CDH12: variants seen among roughly 807,000 people sequenced by gnomAD.
CDH12 encodes the protein cadherin-12.
CDH12 carries 41 observed loss-of-function variants against 74.1 expected under a neutral mutation model. That is an observed-to-expected ratio of 0.55 (90% CI 0.43 to 0.72). The LOEUF is 0.72. CDH12 is among the 30% of genes least tolerant of loss of function. CDH12 has a pLI of 0.00. For missense variants in CDH12, 945 were observed against 977.2 expected (o/e 0.97, Z 0.44); for synonymous variants, 399 against 355.0 (o/e 1.12, Z -1.39).
At chr5:22,553,551 G>A (rs1738669427) in intron 1 of CDH12, among the ~76,000 whole-genome samples, 2 of 151,720 alleles carry the variant, frequency 1.3e-5, no homozygotes, top group Admixed American at 6.6e-5. Flanking sequence ...GAAATACTTA[G>A]GTATAAATCT....
intron 5 of CDH12, among the ~76,000 whole-genome samples, chr5:22,070,091 A>C (rs1353322229): frequency 6.6e-6 from 1 of 152,160 alleles, no homozygotes; most frequent in Non-Finnish European, 1.5e-5. Context: ...AATATGATAT[A>C]TTTAATATCT....
chr5:22,468,599 C>A (rs977421457), intron 2 of CDH12, among the ~76,000 whole-genome samples: 4 of 152,030 alleles, frequency 2.6e-5, no homozygotes, highest in African/African-American at 9.7e-5. Flanking sequence ...CTAAGTAGTT[C>A]TCCATAGCTT....
At chr5:22,479,693 T>C (rs543201769) in intron 2 of CDH12, among the ~76,000 whole-genome samples, 87 of 152,192 alleles carry the variant, frequency 5.7e-4, no homozygotes, top group Admixed American at 9.8e-4. Context: ...ACATGAGCCT[T>C]CTGTAAGAAA....
intron 1 of CDH12, among the ~76,000 whole-genome samples, chr5:22,659,666 T>C (rs1469012438): frequency 1.3e-5 from 2 of 152,112 alleles, no homozygotes; most frequent in South Asian, 2.1e-4. Flanking sequence ...TGTTTTATCA[T>C]AGTTTTTTTC....
At chr5:22,571,178 C>G (rs552286503) in intron 1 of CDH12, among the ~76,000 whole-genome samples, 2 of 152,262 alleles carry the variant, frequency 1.3e-5, no homozygotes, top group African/African-American at 4.8e-5. Context: ...CTTTATTAAC[C>G]TCTGTGTGTT....
At chr5:22,493,009 C>T (rs1360192564) in intron 2 of CDH12, among the ~76,000 whole-genome samples, 1 of 152,196 alleles carries the variant, frequency 6.6e-6, no homozygotes, top group African/African-American at 2.4e-5. Flanking sequence ...TGTTTGCCCA[C>T]TGAAGCCACG....
At chr5:22,703,458 T>C (rs969241140) in intron 1 of CDH12, among the ~76,000 whole-genome samples, 3 of 152,224 alleles carry the variant, frequency 2.0e-5, no homozygotes, top group African/African-American at 7.2e-5. Flanking sequence ...TCTTTGTTAA[T>C]ATCAACTTTT....
chr5:22,747,356 G>T (rs552689141), intron 1 of CDH12, among the ~76,000 whole-genome samples: 2 of 151,526 alleles, frequency 1.3e-5, no homozygotes, highest in African/African-American at 2.4e-5. Flanking sequence ...AGGTGTAGTG[G>T]CTCACACCTG....
intron 1 of CDH12, among the ~76,000 whole-genome samples, chr5:22,606,422 T>A (rs1234577023): frequency 1.3e-5 from 2 of 152,126 alleles, no homozygotes; most frequent in African/African-American, 4.8e-5. Flanking sequence ...AATCCCCACA[T>A]GTCAAGGGGA....
At chr5:21,761,533 C>T (rs954480210) in intron 12 of CDH12, among the ~76,000 whole-genome samples, 1 of 152,078 alleles carries the variant, frequency 6.6e-6, no homozygotes, top group African/African-American at 2.4e-5. Flanking sequence ...ACATTTGAAT[C>T]TGCAAGAGGA....
intron 3 of CDH12, among the ~76,000 whole-genome samples, chr5:22,376,604 C>A (rs1371336745): frequency 6.6e-6 from 1 of 151,848 alleles, no homozygotes; most frequent in African/African-American, 2.4e-5. Flanking sequence ...AATGCCTCAA[C>A]CTCCTAGGCT....
At chr5:21,836,225 G>T (rs1302628156) in intron 8 of CDH12, among the ~76,000 whole-genome samples, 1 of 151,560 alleles carries the variant, frequency 6.6e-6, no homozygotes, top group East Asian at 1.9e-4. Flanking sequence ...TGCAATTATT[G>T]TGTAAATGAT....
intron 3 of CDH12, among the ~76,000 whole-genome samples, chr5:22,247,590 G>A (rs1295297956): frequency 6.6e-6 from 1 of 151,970 alleles, no homozygotes; most frequent in Non-Finnish European, 1.5e-5. Flanking sequence ...CAGGAGAATC[G>A]CTTGAACCTG....
chr5:21,913,980 A>G (rs1338701905), intron 6 of CDH12, among the ~76,000 whole-genome samples: 1 of 152,158 alleles, frequency 6.6e-6, no homozygotes, highest in Non-Finnish European at 1.5e-5. Context: ...CACCACACCC[A>G]GCCCTGTTTC....
At chr5:22,069,620 T>C (rs540784425) in intron 5 of CDH12, among the ~76,000 whole-genome samples, 6 of 152,158 alleles carry the variant, frequency 3.9e-5, no homozygotes, top group Non-Finnish European at 7.3e-5. Flanking sequence ...TCCATTTAAC[T>C]GGAAGTTGAG....
chr5:21,911,852 T>A (rs1474635141), intron 6 of CDH12, among the ~76,000 whole-genome samples: 1 of 152,160 alleles, frequency 6.6e-6, no homozygotes, highest in Admixed American at 6.6e-5. Context: ...AACTTTAATT[T>A]TTTTTGTTTT....
At chr5:22,366,878 G>T (rs115057238) in intron 3 of CDH12, among the ~76,000 whole-genome samples, 2 of 152,186 alleles carry the variant, frequency 1.3e-5, no homozygotes, top group Non-Finnish European at 2.9e-5. Context: ...TTTTATCTCT[G>T]CCATTTACTG....
chr5:22,023,782 T>C (rs1309720063), intron 5 of CDH12, among the ~76,000 whole-genome samples: 1 of 152,164 alleles, frequency 6.6e-6, no homozygotes, highest in East Asian at 1.9e-4. Context: ...AATACAACAA[T>C]GGCTTAACTC....
chr5:22,771,899 C>T (rs1746827647), intron 1 of CDH12, among the ~76,000 whole-genome samples: 1 of 152,056 alleles, frequency 6.6e-6, no homozygotes, highest in Admixed American at 6.6e-5. Context: ...CCTAAAACCT[C>T]TCTTTGTGTA....
Sources: allele counts gnomAD v4.1 joint callset (sites outside exome capture counted in the v4.1 genomes callset), GRCh38; gene constraint gnomAD v4.1.1; transcripts MANE v1.5; gene names NCBI Gene and HGNC (gene_info 2026-07-23, HGNC 2026-07-21).